Variants in RPS6KC1 observed in about 807,000 individuals in gnomAD.
RPS6KC1 encodes ribosomal protein S6 kinase C1.
In RPS6KC1, 54 loss-of-function variants were observed where a neutral mutation model predicts 103.8. The observed-to-expected ratio is 0.52, with a 90% CI of 0.42 to 0.65. The LOEUF (loss-of-function observed/expected upper bound fraction) is 0.65. RPS6KC1 is among the 30% of genes least tolerant of loss of function. The probability of loss-of-function intolerance (pLI) is 0.00; values close to 1 mark genes in which losing one functional copy is unlikely to be tolerated. For missense variants in RPS6KC1, 1,151 were observed against 1,253.8 expected (o/e 0.92, Z 1.24); for synonymous variants, 439 against 438.7 (o/e 1.00, Z -0.01).
intron 6 of RPS6KC1, among the ~76,000 whole-genome samples, chr1:213,134,345 C>T (rs115521167): frequency 6.1e-4 from 93 of 152,046 alleles, no homozygotes; most frequent in African/African-American, 2.0e-3. Flanking sequence ...TCCTTCTCCT[C>T]TCCTTCCCTT....
At chr1:213,302,004 G>T in the RPS6KC1 span, among the ~76,000 whole-genome samples, 8 of 152,056 alleles carry the variant, frequency 5.3e-5, no homozygotes, top group Admixed American at 5.2e-4. Flanking sequence ...CCTAAGTGCT[G>T]GGATTACAGG....
the RPS6KC1 span, among the ~76,000 whole-genome samples, chr1:213,553,861 A>T: frequency 2.3e-4 from 35 of 151,696 alleles, no homozygotes; most frequent in African/African-American, 8.0e-4. Flanking sequence ...TTCTTTGACC[A>T]TTTTTTTTGT....
chr1:213,720,248 C>T, the RPS6KC1 span, among the ~76,000 whole-genome samples: 1 of 152,152 alleles, frequency 6.6e-6, no homozygotes, highest in Non-Finnish European at 1.5e-5. Flanking sequence ...CAAATCCAGT[C>T]AATTAAGAGA....
chr1:213,417,180 C>T, the RPS6KC1 span, among the ~76,000 whole-genome samples: 1 of 152,162 alleles, frequency 6.6e-6, no homozygotes, highest in African/African-American at 2.4e-5. Context: ...CTTTCATTCG[C>T]CGGGCCCCAA....
Position 213,167,843 on chromosome 1 carries a change from G to T in RPS6KC1, c.836-15G>T, listed in dbSNP as rs757944948. On this transcript the variant is annotated splice_polypyrimidine_tract_variant and intron_variant, in intron 6 of 14. Coordinates refer to ENST00000366960, the MANE Select transcript of RPS6KC1 (RefSeq NM_012424.6). The stretch of plus-strand genomic sequence containing the variant: ...GGAAAATTTATTTTTTACATGTCCA[G>T]ACTTTTTTTTTTAGGAGAGTCAAGC... The T allele has an allele frequency of 1.9e-6, 3 of 1,567,224 alleles. No individual in the cohort carries two copies. The highest frequency in any genetic ancestry group is 2.6e-6 in the Non-Finnish European group (3 of 1,148,320).
chr1:213,598,897 G>A, the RPS6KC1 span, among the ~76,000 whole-genome samples: 1 of 152,110 alleles, frequency 6.6e-6, no homozygotes, highest in Non-Finnish European at 1.5e-5. Flanking sequence ...CTCCAGCCGG[G>A]CGACAGAGAC....
At chr1:213,320,340 C>T in the RPS6KC1 span, among the ~76,000 whole-genome samples, 2 of 152,372 alleles carry the variant, frequency 1.3e-5, no homozygotes, top group Non-Finnish European at 1.5e-5. Flanking sequence ...ATTGCACCCA[C>T]AGCACTTATC....
chr1:213,525,550 T>C, the RPS6KC1 span, among the ~76,000 whole-genome samples: 1 of 152,092 alleles, frequency 6.6e-6, no homozygotes, highest in African/African-American at 2.4e-5. Context: ...TATCAGAGAC[T>C]GGAGTGGATA....
the RPS6KC1 span, among the ~76,000 whole-genome samples, chr1:213,587,841 T>A: frequency 6.6e-6 from 1 of 152,210 alleles, no homozygotes; most frequent in East Asian, 1.9e-4. Context: ...CACCCTCAAC[T>A]CAGCCAAATT....
the RPS6KC1 span, among the ~76,000 whole-genome samples, chr1:213,614,301 G>A: frequency 6.6e-6 from 1 of 152,238 alleles, no homozygotes; most frequent in Non-Finnish European, 1.5e-5. Context: ...TGCCCCCAGG[G>A]CAAGAAGTTT....
chr1:213,360,964 C>T, the RPS6KC1 span, among the ~76,000 whole-genome samples: 2 of 152,230 alleles, frequency 1.3e-5, no homozygotes, highest in African/African-American at 4.8e-5. Flanking sequence ...GTCAGTCTGC[C>T]CCTACTGGGG....
At chr1:213,080,579 T>C (rs879741654) in intron 3 of RPS6KC1, among the ~76,000 whole-genome samples, 2 of 152,124 alleles carry the variant, frequency 1.3e-5, no homozygotes, top group Non-Finnish European at 2.9e-5. Context: ...ATTTATAAAA[T>C]TATTATTTTT....
At chr1:213,521,777 A>G in the RPS6KC1 span, among the ~76,000 whole-genome samples, 1 of 152,176 alleles carries the variant, frequency 6.6e-6, no homozygotes, top group Middle Eastern at 3.2e-3. Context: ...ATTTATTCAA[A>G]CTTTATCATA....
At position 213,225,939 on chromosome 1, in the gene RPS6KC1, G is replaced by A. The variant is rs142115424; in HGVS notation, c.1045-4558G>A. Among the ~76,000 whole-genome samples the A allele has an allele frequency of 2.6e-5, 4 of 152,236 alleles. No homozygotes were observed. In the East Asian group the frequency reaches 7.8e-4, roughly 30 times the overall value. ...AAGTGACTTAAAAGTCACACCTCATGTAAGCTGGGTGTGGTGGCTCATGCC... is the reference window on the plus strand; with the variant it reads ...AAGTGACTTAAAAGTCACACCTCATATAAGCTGGGTGTGGTGGCTCATGCC... On this transcript the variant is annotated intron_variant, in intron 8 of 14. Transcript: ENST00000366960.
chr1:213,739,990 G>A, the RPS6KC1 span, among the ~76,000 whole-genome samples: 1 of 152,104 alleles, frequency 6.6e-6, no homozygotes, highest in Non-Finnish European at 1.5e-5. Context: ...GACCAATCCA[G>A]GGTGGAGCAA....
the RPS6KC1 span, among the ~76,000 whole-genome samples, chr1:213,558,396 G>A: frequency 1.3e-5 from 2 of 152,180 alleles, no homozygotes; most frequent in African/African-American, 4.8e-5. Flanking sequence ...GTAAGGAGCC[G>A]ATGTAGGTAT....
the RPS6KC1 span, among the ~76,000 whole-genome samples, chr1:213,730,398 A>T: frequency 6.6e-6 from 1 of 152,206 alleles, no homozygotes; most frequent in African/African-American, 2.4e-5. Flanking sequence ...AGCAGTGTAT[A>T]GATGTTCCTT....
the RPS6KC1 span, among the ~76,000 whole-genome samples, chr1:213,363,290 A>T: frequency 1.3e-5 from 2 of 152,206 alleles, no homozygotes; most frequent in African/African-American, 4.8e-5. Context: ...ATTCACTCCT[A>T]TTGTGAGTAG....
chr1:213,216,949 A>T lies in RPS6KC1; in HGVS notation c.1045-13548A>T, dbSNP rs1055635582. ...GATCTAAAATTGACACCCTAACATC[A>T]CAATTAAAAGAACTAGAGAAGCAAG... On this transcript the variant is annotated intron_variant, in intron 8 of 14. Coordinates refer to ENST00000366960, the MANE Select transcript of RPS6KC1 (RefSeq NM_012424.6). Among the ~76,000 whole-genome samples the T allele has an allele frequency of 5.0e-4, 76 of 152,082 alleles. 1 individual carries two copies. Among genetic ancestry groups the T allele is most frequent in the African/African-American group, 1.8e-3 (75 of 41,334 alleles).
Sources: gnomAD v4.1 joint callset for allele counts (sites outside exome capture counted in the v4.1 genomes callset) on GRCh38, gnomAD v4.1.1 for gene constraint, MANE v1.5 for transcripts, NCBI Gene and HGNC (gene_info 2026-07-23, HGNC 2026-07-21) for gene names.